The following SCAPER variants were observed in gnomAD, a reference collection of about 807,000 sequenced individuals.
SCAPER encodes the protein S-phase cyclin A associated protein in the ER.
In SCAPER, 98 loss-of-function variants were observed where a neutral mutation model predicts 182.2. The observed-to-expected ratio is 0.54, with a 90% CI of 0.46 to 0.64. The LOEUF is 0.64. SCAPER is among the 30% of genes least tolerant of loss of function. The pLI is 0.00. For missense variants in SCAPER, 1,432 were observed against 1,690.0 expected (o/e 0.85, Z 2.68); for synonymous variants, 605 against 564.6 (o/e 1.07, Z -1.01).
rs1566978710 is a variant in SCAPER, at chr15:76,354,154, GC to G, written c.3856-15del. 3.8e-6 allele frequency: 6 copies of G among 1,594,832 alleles called. No homozygotes were observed. The highest frequency in any genetic ancestry group is 2.6e-6 in the Non-Finnish European group (3 of 1,173,466). Reference sequence around the variant, plus strand: ...CTGCACGATCACCTGAAATGGAAGAGCAGCCCAGGTCAGCTGCCGAAACGCC... The same window carrying G: ...CTGCACGATCACCTGAAATGGAAGAGAGCCCAGGTCAGCTGCCGAAACGCC... On this transcript the variant is annotated splice_polypyrimidine_tract_variant and intron_variant, in intron 29 of 31. Transcript: ENST00000563290. The surrounding 1 kb of genome is among the most constrained non-coding windows in gnomAD (Gnocchi z 4.4).
intron 21 of SCAPER, among the ~76,000 whole-genome samples, chr15:76,644,486 G>C (rs1033830669): frequency 1.3e-5 from 2 of 151,632 alleles, no homozygotes; most frequent in Admixed American, 1.3e-4. Flanking sequence ...AAGGATATTT[G>C]AGGTCCTCAA....
At chr15:76,411,045 C>T (rs1326272030) in intron 26 of SCAPER, among the ~76,000 whole-genome samples, 1 of 152,070 alleles carries the variant, frequency 6.6e-6, no homozygotes, top group African/African-American at 2.4e-5. Context: ...ACATAACCAT[C>T]CATAAAAACA....
intron 24 of SCAPER, among the ~76,000 whole-genome samples, chr15:76,496,922 C>T (rs1014957072): frequency 2.6e-5 from 4 of 151,872 alleles, no homozygotes; most frequent in Non-Finnish European, 2.9e-5. Flanking sequence ...CTGGAAGGAA[C>T]AAAAATTTAC....
rs184486609 is a variant in SCAPER at position 76,430,147 on chromosome 15, A to C, written c.3311+3931T>G. Among the ~76,000 whole-genome samples the C allele has an allele frequency of 5.9e-3, 905 of 152,336 alleles. 4 individuals are homozygous for C. Among genetic ancestry groups the C allele is most frequent in the African/African-American group, 0.021 (873 of 41,574 alleles). ...GTCAAGAATTGAAGTTTGGGAACCT[A>C]CACCTAGATTTCACAGGATGTACGG... On this transcript the variant is annotated intron_variant, in intron 26 of 31. Coordinates refer to ENST00000563290, the MANE Select transcript of SCAPER (RefSeq NM_020843.4).
At chr15:76,418,633 G>A (rs1448160111) in intron 26 of SCAPER, among the ~76,000 whole-genome samples, 1 of 152,210 alleles carries the variant, frequency 6.6e-6, no homozygotes, top group Admixed American at 6.5e-5. Context: ...TGTTCACATG[G>A]GTGCTTGCAT....
At chr15:76,796,742 C>T (rs1568166005) in intron 7 of SCAPER, among the ~76,000 whole-genome samples, 2 of 152,190 alleles carry the variant, frequency 1.3e-5, no homozygotes, top group African/African-American at 4.8e-5. Context: ...CAATGAAGTG[C>T]ATTACAGGGC....
chr15:76,751,321 T>A (rs1194487677), intron 15 of SCAPER, among the ~76,000 whole-genome samples: 1 of 151,780 alleles, frequency 6.6e-6, no homozygotes, highest in Admixed American at 6.6e-5. Context: ...ATGTACAGAT[T>A]CAATGCAATC....
intron 6 of SCAPER, among the ~76,000 whole-genome samples, chr15:76,802,155 AT>A (rs1267626681): frequency 6.6e-6 from 1 of 152,210 alleles, no homozygotes; most frequent in East Asian, 1.9e-4. Context: ...AAATAAAAAA[AT>A]GAAAAGAAAA....
chr15:76,734,830 C>A (rs1190757033), intron 15 of SCAPER, among the ~76,000 whole-genome samples: 1 of 152,098 alleles, frequency 6.6e-6, no homozygotes, highest in East Asian at 1.9e-4. Context: ...CAAGATCGCA[C>A]CACTGCACTG....
intron 23 of SCAPER, among the ~76,000 whole-genome samples, chr15:76,562,389 T>C (rs1267371132): frequency 6.6e-6 from 1 of 152,138 alleles, no homozygotes; most frequent in Non-Finnish European, 1.5e-5. Flanking sequence ...ATATGTTTAA[T>C]ACATTTGAAT....
intron 26 of SCAPER, among the ~76,000 whole-genome samples, chr15:76,414,549 A>G (rs551373013): frequency 1.4e-3 from 215 of 152,260 alleles, no homozygotes; most frequent in African/African-American, 4.8e-3. Context: ...CCAGAAGACC[A>G]TGGAATGACA....
chr15:76,521,107 C>G lies in SCAPER; in HGVS notation c.2839-16133G>C, dbSNP rs148551185. Among the ~76,000 whole-genome samples the G allele has an allele frequency of 3.2e-3, 484 of 152,168 alleles. 5 individuals carry two copies. The highest frequency in any genetic ancestry group is 0.011 in the African/African-American group (462 of 41,524). On this transcript the variant is annotated intron_variant, in intron 23 of 31. Transcript: ENST00000563290. ...AATGGTAAAAGACAGAAAATAAGTA[C>G]AGAATTCAGGAATTTTAGATTAGCA...
intron 26 of SCAPER, among the ~76,000 whole-genome samples, chr15:76,410,176 T>A (rs2045187750): frequency 6.6e-6 from 1 of 152,174 alleles, no homozygotes; most frequent in Non-Finnish European, 1.5e-5. Context: ...TATATTTGTA[T>A]GTTCAAATAA....
chr15:76,766,206 C>T (rs542649638), intron 11 of SCAPER, among the ~76,000 whole-genome samples: 12 of 152,242 alleles, frequency 7.9e-5, no homozygotes, highest in Middle Eastern at 3.4e-3. Flanking sequence ...AAACTATTCT[C>T]CTGCCTCAGC....
chr15:76,428,768 T>A (rs2046616920), intron 26 of SCAPER, among the ~76,000 whole-genome samples: 1 of 150,604 alleles, frequency 6.6e-6, no homozygotes, highest in Non-Finnish European at 1.5e-5. Flanking sequence ...TGTTGTATAT[T>A]ACAAAATCCC....
intron 23 of SCAPER, among the ~76,000 whole-genome samples, chr15:76,539,837 G>A (rs574108965): frequency 8.1e-4 from 123 of 152,158 alleles, no homozygotes; most frequent in Middle Eastern, 3.4e-3. Context: ...GAGCCACTGC[G>A]CCTGGCCTAA....
chr15:76,453,705 A>G (rs1236862296), intron 25 of SCAPER, among the ~76,000 whole-genome samples: 1 of 152,222 alleles, frequency 6.6e-6, no homozygotes. Flanking sequence ...GCAATTAATA[A>G]CAATTTTGTA....
intron 1 of SCAPER, among the ~76,000 whole-genome samples, chr15:76,900,183 C>T (rs56275930): frequency 0.33 from 49,300 of 151,022 alleles, 8,170 homozygotes; most frequent in East Asian, 0.55. Flanking sequence ...TCTCAAGTAC[C>T]CAGGGACACA....
intron 8 of SCAPER, among the ~76,000 whole-genome samples, chr15:76,775,857 A>G (rs1288224356): frequency 6.6e-6 from 1 of 152,216 alleles, no homozygotes; most frequent in Non-Finnish European, 1.5e-5. Context: ...TAAAATAAAT[A>G]AGAATCTTTC....
Sources: allele counts gnomAD v4.1 joint callset (sites outside exome capture counted in the v4.1 genomes callset), GRCh38; gene constraint gnomAD v4.1.1; non-coding constraint Gnocchi (gnomAD v3.1); transcripts MANE v1.5; gene names NCBI Gene and HGNC (gene_info 2026-07-23, HGNC 2026-07-21).